FNDC3B: variants seen among roughly 807,000 people sequenced by gnomAD.
FNDC3B encodes the protein fibronectin type III domain containing 3B.
Under a neutral mutation model 151.5 loss-of-function variants are expected in FNDC3B, and 12 were observed. The observed-to-expected ratio is 0.08, with a 90% CI of 0.05 to 0.13. The LOEUF is 0.13. Ranked by LOEUF, FNDC3B falls within the 10% of genes least tolerant of loss-of-function variation. FNDC3B has a pLI of 1.00. For missense variants in FNDC3B, 1,214 were observed against 1,505.3 expected, an observed-to-expected ratio of 0.81 and a Z score of 3.20; for synonymous variants, 528 against 549.0, an observed-to-expected ratio of 0.96 and a Z score of 0.54.
chr3:172,083,128 T>C (rs1049037463), intron 1 of FNDC3B, among the ~76,000 whole-genome samples: 3 of 152,198 alleles, frequency 2.0e-5, no homozygotes, highest in African/African-American at 7.2e-5. Flanking sequence ...TGGGTTTTGA[T>C]TGTACCCTAC....
In FNDC3B at chr3:172,210,053, C is replaced by A. The variant is rs560082410; in HGVS notation, c.188-16818C>A. ...AGCCAGGGAGTGGAAGCAGGCACTTCTGAGCCTGCGGGAGCGCAGGGATGC... is the reference window on the plus strand; with the variant it reads ...AGCCAGGGAGTGGAAGCAGGCACTTATGAGCCTGCGGGAGCGCAGGGATGC... On this transcript the variant is annotated intron_variant, in intron 3 of 25. Coordinates refer to ENST00000415807, the MANE Select transcript of FNDC3B (RefSeq NM_022763.4). 3.5e-3 allele frequency among the ~76,000 whole-genome samples: 539 copies of A among 152,326 alleles called. 3 individuals carry two copies. The highest frequency in any genetic ancestry group is 0.012 in the African/African-American group (512 of 41,576).
At chr3:172,269,977 T>A (rs184459545) in intron 6 of FNDC3B, among the ~76,000 whole-genome samples, 11 of 152,346 alleles carry the variant, frequency 7.2e-5, no homozygotes, top group Admixed American at 7.2e-4. Flanking sequence ...GGACATTTCA[T>A]CAAATACATA....
intron 13 of FNDC3B, among the ~76,000 whole-genome samples, chr3:172,331,562 A>G (rs1371644153): frequency 2.0e-5 from 3 of 152,008 alleles, no homozygotes; most frequent in East Asian, 3.9e-4. Context: ...GGGTTTCACC[A>G]TGTTAGCCAG....
chr3:172,263,619 T>C (rs972868570), intron 6 of FNDC3B, among the ~76,000 whole-genome samples: 3 of 127,412 alleles, frequency 2.4e-5, no homozygotes, highest in African/African-American at 9.0e-5. Flanking sequence ...TTTGACACAC[T>C]GACAGCATTC....
chr3:172,270,222 TAG>T (rs1560049693), intron 6 of FNDC3B, among the ~76,000 whole-genome samples: 1 of 152,262 alleles, frequency 6.6e-6, no homozygotes, highest in Non-Finnish European at 1.5e-5. Flanking sequence ...ATGGGTAAAA[TAG>T]AGTGTTACTC....
intron 3 of FNDC3B, among the ~76,000 whole-genome samples, chr3:172,215,251 C>T (rs1423129681): frequency 3.9e-5 from 6 of 152,252 alleles, no homozygotes; most frequent in Admixed American, 6.5e-5. Flanking sequence ...GTTTGCTGTC[C>T]TGTCTTTTGC....
At chr3:172,153,891 G>A (rs1355676873) in intron 3 of FNDC3B, among the ~76,000 whole-genome samples, 2 of 152,070 alleles carry the variant, frequency 1.3e-5, no homozygotes, top group Non-Finnish European at 2.9e-5. Context: ...AGGTAGTAAA[G>A]AAACAAAAAC....
intron 2 of FNDC3B, among the ~76,000 whole-genome samples, chr3:172,125,762 T>C (rs780742003): frequency 4.6e-5 from 7 of 152,240 alleles, no homozygotes; most frequent in Non-Finnish European, 7.3e-5. Flanking sequence ...AGGTATTTCT[T>C]AAATCTCTCG....
intron 2 of FNDC3B, among the ~76,000 whole-genome samples, chr3:172,131,823 A>T (rs1243249251): frequency 6.6e-6 from 1 of 152,206 alleles, no homozygotes; most frequent in Non-Finnish European, 1.5e-5. Context: ...TGACTTTTAA[A>T]TTGCATCTTA....
At chr3:172,064,893 A>C (rs1259042837) in intron 1 of FNDC3B, among the ~76,000 whole-genome samples, 1 of 152,232 alleles carries the variant, frequency 6.6e-6, no homozygotes, top group Admixed American at 6.5e-5. Flanking sequence ...TGATTCTGCT[A>C]GTCAGTGGGG....
intron 3 of FNDC3B, among the ~76,000 whole-genome samples, chr3:172,138,660 A>C (rs1721483433): frequency 6.6e-6 from 1 of 152,268 alleles, no homozygotes; most frequent in African/African-American, 2.4e-5. Flanking sequence ...TGATTAAAGT[A>C]AAATTCTTAG....
At chr3:172,192,901 TGAGTTTTTGTCAAAAC>T (rs1724606593) in intron 3 of FNDC3B, among the ~76,000 whole-genome samples, 1 of 152,136 alleles carries the variant, frequency 6.6e-6, no homozygotes, top group South Asian at 2.1e-4. Flanking sequence ...CCAACCAGTT[TGAGTTTTTGTCAAAAC>T]TCAAACTCGG....
chr3:172,129,932 C>T (rs559125554), intron 2 of FNDC3B, among the ~76,000 whole-genome samples: 4 of 150,622 alleles, frequency 2.7e-5, no homozygotes, highest in East Asian at 1.9e-4. Flanking sequence ...TGTTCTGTAT[C>T]GCATTTTATA....
chr3:172,111,019 A>T (rs1306882068), intron 1 of FNDC3B, among the ~76,000 whole-genome samples: 1 of 150,856 alleles, frequency 6.6e-6, no homozygotes, highest in Non-Finnish European at 1.5e-5. Context: ...GAATCGCTTG[A>T]ACCTGGGAGG....
At chr3:172,065,609 A>C (rs955631007) in intron 1 of FNDC3B, among the ~76,000 whole-genome samples, 1 of 152,228 alleles carries the variant, frequency 6.6e-6, no homozygotes, top group African/African-American at 2.4e-5. Flanking sequence ...TCCAGGGAGC[A>C]TTGAATAGGA....
intron 6 of FNDC3B, among the ~76,000 whole-genome samples, chr3:172,267,506 T>TA (rs1728986593): frequency 6.6e-6 from 1 of 152,212 alleles, no homozygotes; most frequent in Non-Finnish European, 1.5e-5. Context: ...CTGAATGCTA[T>TA]AACAACTGTG....
intron 3 of FNDC3B, among the ~76,000 whole-genome samples, chr3:172,166,538 A>G (rs1371159443): frequency 6.6e-6 from 1 of 152,106 alleles, no homozygotes; most frequent in African/African-American, 2.4e-5. Flanking sequence ...TCCTGTGTTC[A>G]TTTTTCTCTA....
intron 6 of FNDC3B, among the ~76,000 whole-genome samples, chr3:172,285,454 C>T (rs1351580323): frequency 1.3e-5 from 2 of 152,164 alleles, no homozygotes; most frequent in Non-Finnish European, 1.5e-5. Flanking sequence ...GCCCGTCGAA[C>T]GTAAACATGT....
intron 3 of FNDC3B, among the ~76,000 whole-genome samples, chr3:172,215,586 T>A (rs1355249671): frequency 6.6e-6 from 1 of 152,146 alleles, no homozygotes; most frequent in Non-Finnish European, 1.5e-5. Context: ...TAGCTTGGCA[T>A]GGTGGCAGAC....
Sources: allele counts gnomAD v4.1 joint callset (sites outside exome capture counted in the v4.1 genomes callset), GRCh38; gene constraint gnomAD v4.1.1; transcripts MANE v1.5; gene names NCBI Gene and HGNC (gene_info 2026-07-23, HGNC 2026-07-21).